ADAMTSL1: variants seen among roughly 807,000 people sequenced by gnomAD.
ADAMTSL1 encodes the protein ADAMTS like 1, also known as ADAMTS-like protein 1.
ADAMTSL1 carries 126 observed loss-of-function variants against 201.8 expected under a neutral mutation model. That is an observed-to-expected ratio of 0.62 (90% CI 0.54 to 0.72). ADAMTSL1 has a LOEUF of 0.72. ADAMTSL1 is among the 30% of genes least tolerant of loss of function. The pLI is 0.00. For missense variants in ADAMTSL1, 2,679 were observed against 2,277.8 expected (o/e 1.18, Z -3.59); for synonymous variants, 1,121 against 903.4 (o/e 1.24, Z -4.32).
At chr9:17,923,454 G>A (rs1044794851) in intron 1 of ADAMTSL1, among the ~76,000 whole-genome samples, 3 of 150,590 alleles carry the variant, frequency 2.0e-5, no homozygotes, top group African/African-American at 7.3e-5. Flanking sequence ...TCTGTTGTTG[G>A]TGTATAAGAA....
chr9:18,257,606 T>A (rs34509703), intron 2 of ADAMTSL1, among the ~76,000 whole-genome samples: 1 of 152,112 alleles, frequency 6.6e-6, no homozygotes, highest in Non-Finnish European at 1.5e-5. Flanking sequence ...ACAGCCCCTA[T>A]GAAAAACAGT....
intron 2 of ADAMTSL1, among the ~76,000 whole-genome samples, chr9:18,315,969 A>G (rs4268217): frequency 0.52 from 78,937 of 152,098 alleles, 20,815 homozygotes; most frequent in Admixed American, 0.63. Context: ...CCTAAGCATC[A>G]GCTGGCTTGA....
intron 23 of ADAMTSL1, among the ~76,000 whole-genome samples, chr9:18,869,072 C>T (rs1384208170): frequency 1.3e-5 from 2 of 152,162 alleles, no homozygotes; most frequent in East Asian, 3.9e-4. Flanking sequence ...GACATGCACA[C>T]AAGGCAGAAC....
chr9:18,617,797 T>TA (rs1302830371), intron 4 of ADAMTSL1, among the ~76,000 whole-genome samples: 1 of 152,210 alleles, frequency 6.6e-6, no homozygotes, highest in Non-Finnish European at 1.5e-5. Context: ...TGGAGCTTCT[T>TA]ACTTTTTTGT....
In ADAMTSL1 at chr9:18,638,467, C is replaced by T. The variant is rs79740313; in HGVS notation, c.677-787C>T. On this transcript the variant is annotated intron_variant, in intron 6 of 28. Transcript: ENST00000380548. ...AACAGACAGTTGTTCTAAATCACCC[C>T]TCAGTCACATGAGAACTTAGTCTTC... Among the ~76,000 whole-genome samples, 1,309 of 152,142 alleles carry T rather than the reference C, an allele frequency of 8.6e-3. 18 individuals carry two copies. The highest frequency in any genetic ancestry group is 0.03 in the African/African-American group (1,254 of 41,534).
chr9:18,862,086 T>C (rs1030498676), intron 23 of ADAMTSL1, among the ~76,000 whole-genome samples: 2 of 152,212 alleles, frequency 1.3e-5, no homozygotes, highest in African/African-American at 4.8e-5. Flanking sequence ...GGCTTGCAGC[T>C]GAACCCTGTG....
Position 18,474,217 on chromosome 9 carries a change from C to A in ADAMTSL1, c.-16C>A, listed in dbSNP as rs1322436812. The A allele has an allele frequency of 9.9e-6, 16 of 1,613,848 alleles. No individual in the cohort carries two copies. Among genetic ancestry groups the A allele is most frequent in the Non-Finnish European group, 1.4e-5 (16 of 1,179,836 alleles). ...CTTATTCAGTGTCCGATTCTGATTCCGGCAAGGATCCAAGCATGGAATGCT... is the reference window on the plus strand; with the variant it reads ...CTTATTCAGTGTCCGATTCTGATTCAGGCAAGGATCCAAGCATGGAATGCT... On this transcript the variant is annotated 5_prime_UTR_variant, in exon 1 of 29. Coordinates refer to ENST00000380548, the MANE Select transcript of ADAMTSL1 (RefSeq NM_001040272.6).
chr9:18,438,593 C>CT (rs767338305), intron 2 of ADAMTSL1, among the ~76,000 whole-genome samples: 2 of 152,224 alleles, frequency 1.3e-5, no homozygotes, highest in South Asian at 4.1e-4. Context: ...GCACTGCCCT[C>CT]TTGCATTCGC....
At chr9:18,049,420 A>G (rs10963414) in intron 1 of ADAMTSL1, among the ~76,000 whole-genome samples, 41,772 of 152,014 alleles carry the variant, frequency 0.27, 7,252 homozygotes, top group Non-Finnish European at 0.38. Flanking sequence ...TGGCTTTTAA[A>G]CATTTATAAA....
At chr9:18,901,621 A>C (rs1830023362) in intron 26 of ADAMTSL1, among the ~76,000 whole-genome samples, 1 of 152,212 alleles carries the variant, frequency 6.6e-6, no homozygotes, top group Admixed American at 6.5e-5. Context: ...TTGGGATATT[A>C]TATGTAATCC....
chr9:18,449,265 CTA>C (rs1255060459), intron 2 of ADAMTSL1, among the ~76,000 whole-genome samples: 5 of 150,538 alleles, frequency 3.3e-5, no homozygotes, highest in African/African-American at 1.2e-4. Context: ...GCTAGCAACT[CTA>C]TTATATAATT....
rs148626999 is a variant in ADAMTSL1 at position 18,369,590 on chromosome 9, A to G, written c.208-135239A>G. Among the ~76,000 whole-genome samples the G allele has an allele frequency of 3.4e-3, 516 of 152,334 alleles. 3 individuals are homozygous for G. The highest frequency in any genetic ancestry group is 0.012 in the African/African-American group (490 of 41,560). On this transcript the variant is annotated intron_variant, in intron 2 of 29. Transcript: ENST00000680146. ...ATAAAGATTCCCTAAAGAACTAAAAATAGAACTACCATTAGACCCATCTAT... is the reference window on the plus strand; with the variant it reads ...ATAAAGATTCCCTAAAGAACTAAAAGTAGAACTACCATTAGACCCATCTAT...
intron 20 of ADAMTSL1, 37 bp downstream of exon 20, chr9:18,795,561 C>T (rs370201772): frequency 1.3e-6 from 2 of 1,566,942 alleles, no homozygotes; most frequent in East Asian, 2.3e-5. Context: ...ATTTCATAAA[C>T]CTTTATTGAA....
chr9:18,893,513 G>A (rs994590158), intron 26 of ADAMTSL1, among the ~76,000 whole-genome samples: 1 of 152,056 alleles, frequency 6.6e-6, no homozygotes, highest in Non-Finnish European at 1.5e-5. Context: ...GAATCACCTG[G>A]GAATCTTATT....
At chr9:18,815,501 C>T (rs1823779067) in intron 20 of ADAMTSL1, among the ~76,000 whole-genome samples, 1 of 148,442 alleles carries the variant, frequency 6.7e-6, no homozygotes, top group African/African-American at 2.5e-5. Flanking sequence ...CTAGCCTGGG[C>T]AACACTGGGA....
intron 2 of ADAMTSL1, among the ~76,000 whole-genome samples, chr9:18,269,327 G>T (rs778318456): frequency 3.9e-4 from 59 of 152,176 alleles, no homozygotes; most frequent in Non-Finnish European, 6.6e-4. Flanking sequence ...CATCATAAGT[G>T]CTTAATAAAC....
intron 2 of ADAMTSL1, among the ~76,000 whole-genome samples, chr9:18,291,865 T>A (rs1443122875): frequency 6.6e-6 from 1 of 152,030 alleles, no homozygotes; most frequent in Non-Finnish European, 1.5e-5. Context: ...CCGTTGCCTG[T>A]CTGGTGAGAG....
At chr9:17,941,058 G>C (rs1827221219) in intron 1 of ADAMTSL1, among the ~76,000 whole-genome samples, 1 of 151,642 alleles carries the variant, frequency 6.6e-6, no homozygotes, top group Admixed American at 6.6e-5. Flanking sequence ...TTTATTTTAG[G>C]CCTTAACTTG....
At chr9:18,274,002 A>C (rs1001082574) in intron 2 of ADAMTSL1, among the ~76,000 whole-genome samples, 5 of 152,252 alleles carry the variant, frequency 3.3e-5, no homozygotes, top group Non-Finnish European at 5.9e-5. Flanking sequence ...GCATACATAC[A>C]AATCATAATT....
Sources: gnomAD v4.1 joint callset for allele counts (sites outside exome capture counted in the v4.1 genomes callset) on GRCh38, gnomAD v4.1.1 for gene constraint, MANE v1.5 for transcripts, NCBI Gene and HGNC (gene_info 2026-07-23, HGNC 2026-07-21) for gene names.